Variants in PDE1C observed in about 807,000 individuals in gnomAD.
PDE1C encodes the protein phosphodiesterase 1C.
A neutral mutation model predicts 93.1 loss-of-function variants in PDE1C; 62 were observed. The ratio of observed to expected loss-of-function variants is 0.67; its 90% CI spans 0.54 to 0.82. The LOEUF (loss-of-function observed/expected upper bound fraction) is 0.82, where lower values mean the gene tolerates loss of function less well. Ranked by LOEUF, PDE1C falls within the 40% of genes least tolerant of loss-of-function variation. PDE1C has a pLI of 0.00. For synonymous variants in PDE1C, 325 were observed against 310.1 expected, an observed-to-expected ratio of 1.05 and a Z score of -0.50; for missense variants, 742 against 884.6, an observed-to-expected ratio of 0.84 and a Z score of 2.04.
In PDE1C at chr7:32,205,395, C is replaced by G. The variant is rs552405406; in HGVS notation, c.136+4094G>C. Among the ~76,000 whole-genome samples the G allele has an allele frequency of 2.0e-5, 3 of 152,318 alleles. No homozygotes were observed. The East Asian group carries it at 5.8e-4, about 29-fold the overall frequency. On this transcript the variant is annotated intron_variant, in intron 2 of 18. Coordinates refer to the PDE1C transcript ENST00000396193. Reference sequence around the variant, plus strand: ...GGACTTGGAGAACCTTTCTATCTAGCTAAAGGATTGTAAATGCACCAATCA... The same window carrying G: ...GGACTTGGAGAACCTTTCTATCTAGGTAAAGGATTGTAAATGCACCAATCA...
chr7:31,643,851 A>T, the PDE1C span: 2 of 1,613,934 alleles, frequency 1.2e-6, no homozygotes, highest in Non-Finnish European at 1.7e-6. Flanking sequence ...CTGAACCCTC[A>T]GTCTGTAGGC....
chr7:31,813,418 AG>A (rs1371817600), intron 15 of PDE1C, among the ~76,000 whole-genome samples: 1 of 152,144 alleles, frequency 6.6e-6, no homozygotes, highest in South Asian at 2.1e-4. Context: ...AATTCATTTC[AG>A]AGCAAAATGT....
intron 3 of PDE1C, among the ~76,000 whole-genome samples, chr7:32,102,445 A>G (rs1450822665): frequency 2.6e-5 from 4 of 152,134 alleles, no homozygotes; most frequent in Non-Finnish European, 5.9e-5. Flanking sequence ...CCTCCCTGAA[A>G]CTCAGCTTCC....
chr7:31,639,315 A>C, the PDE1C span, among the ~76,000 whole-genome samples: 1 of 152,122 alleles, frequency 6.6e-6, no homozygotes, highest in Non-Finnish European at 1.5e-5. Flanking sequence ...CATTTGGGAT[A>C]GCTTCTTATG....
Position 31,864,979 on chromosome 7 carries a change from T to C in PDE1C, c.713A>G (p.Gln238Arg), listed in dbSNP as rs1224860227. The C allele has an allele frequency of 6.2e-7, 1 of 1,614,094 alleles. No individual in the cohort carries two copies. The highest frequency in any genetic ancestry group is 1.1e-5 in the South Asian group (1 of 91,084). Residue 238 changes from glutamine to arginine, a missense_variant, in exon 7 of 18, where the codon CAG becomes CGG. Around this residue, in one of 4 missense-constraint regions of PDE1C, gnomAD observed 205 missense variants for 295.3 expected, o/e 0.69. Transcript: ENST00000396191. ...HNLMHAADVT[Q>R]TVHYLLYKTG... ...CTTATAGAGGAGGTAATGCACTGTCTGTGTAACATCGGCAGCGTGCATTAA... is the reference window on the plus strand; with the variant it reads ...CTTATAGAGGAGGTAATGCACTGTCCGTGTAACATCGGCAGCGTGCATTAA...
intron 2 of PDE1C, among the ~76,000 whole-genome samples, chr7:32,048,124 T>A (rs77129589): frequency 0.012 from 1,899 of 152,276 alleles, 51 homozygotes; most frequent in African/African-American, 0.043. Flanking sequence ...AAATGAGGAA[T>A]CCACCTACTC....
At chr7:31,864,893 C>T (rs1175921218) in intron 7 of PDE1C, 49 bp downstream of exon 7, 1 of 1,584,436 alleles carries the variant, frequency 6.3e-7, no homozygotes, top group Non-Finnish European at 8.6e-7. Context: ...CCATTAAAAA[C>T]TCATCCTTAC....
At chr7:31,835,535 T>C (rs1477006012) in intron 11 of PDE1C, among the ~76,000 whole-genome samples, 1 of 151,684 alleles carries the variant, frequency 6.6e-6, no homozygotes, top group Admixed American at 6.6e-5. Flanking sequence ...GGTGTGTGTG[T>C]GTGTGTGTGT....
At chr7:32,375,410 A>T (rs1051020476) in intron 1 of PDE1C, among the ~76,000 whole-genome samples, 1 of 152,208 alleles carries the variant, frequency 6.6e-6, no homozygotes, top group Non-Finnish European at 1.5e-5. Context: ...GGCATGATAT[A>T]GGACAGTGGT....
At chr7:32,422,577 G>C (rs1198969684) in intron 1 of PDE1C, among the ~76,000 whole-genome samples, 1 of 151,146 alleles carries the variant, frequency 6.6e-6, no homozygotes, top group Non-Finnish European at 1.5e-5. Flanking sequence ...TTATAAGTAA[G>C]ATCATGTATA....
chr7:32,333,953 C>A (rs1426745835), intron 1 of PDE1C, among the ~76,000 whole-genome samples: 14 of 152,134 alleles, frequency 9.2e-5, no homozygotes, highest in Admixed American at 6.5e-4. Flanking sequence ...ATATCCCAGA[C>A]CCTGTCATTT....
At chr7:31,723,321 C>T in the PDE1C span, among the ~76,000 whole-genome samples, 25 of 152,130 alleles carry the variant, frequency 1.6e-4, no homozygotes, top group Admixed American at 5.2e-4. Context: ...TATATGAGCT[C>T]GTATTCCCTG....
intron 1 of PDE1C, among the ~76,000 whole-genome samples, chr7:32,234,708 C>T (rs1342767171): frequency 1.3e-5 from 2 of 151,944 alleles, no homozygotes; most frequent in Non-Finnish European, 2.9e-5. Flanking sequence ...GAAGTTAACA[C>T]CAATTCTACA....
chr7:31,625,156 C>T, the PDE1C span, among the ~76,000 whole-genome samples: 2 of 152,242 alleles, frequency 1.3e-5, no homozygotes, highest in East Asian at 1.9e-4. Flanking sequence ...GAAATAGGAA[C>T]ACTTTTACAT....
At chr7:31,805,549 A>G (rs1786716072) in intron 16 of PDE1C, among the ~76,000 whole-genome samples, 1 of 151,594 alleles carries the variant, frequency 6.6e-6, no homozygotes, top group African/African-American at 2.4e-5. Flanking sequence ...CAACTCAGAG[A>G]GTCACTGAGA....
intron 1 of PDE1C, among the ~76,000 whole-genome samples, chr7:32,344,723 ACAG>A (rs1235941684): frequency 6.6e-6 from 1 of 151,852 alleles, no homozygotes; most frequent in Non-Finnish European, 1.5e-5. Flanking sequence ...CTTCTAATAT[ACAG>A]CATAATTTTC....
intron 1 of PDE1C, among the ~76,000 whole-genome samples, chr7:32,256,491 TG>T (rs1809803295): frequency 6.6e-6 from 1 of 152,172 alleles, no homozygotes; most frequent in Non-Finnish European, 1.5e-5. Flanking sequence ...AAGGGCCTAA[TG>T]GCAGCCAGCT....
intron 2 of PDE1C, among the ~76,000 whole-genome samples, chr7:32,007,466 G>A (rs1029069400): frequency 1.3e-5 from 2 of 152,300 alleles, no homozygotes; most frequent in Non-Finnish European, 2.9e-5. Context: ...AGGAGGCCAC[G>A]AGAAGGAATC....
chr7:32,234,158 T>A (rs1807908451), intron 1 of PDE1C, among the ~76,000 whole-genome samples: 1 of 151,922 alleles, frequency 6.6e-6, no homozygotes, highest in Admixed American at 6.6e-5. Context: ...AGCAGTGCTT[T>A]AAAAAAATTA....
Sources: gnomAD v4.1 joint callset for allele counts (sites outside exome capture counted in the v4.1 genomes callset) on GRCh38, gnomAD v4.1.1 for gene constraint, gnomAD v4.1.1 regional missense constraint, MANE v1.5 for transcripts, NCBI Gene and HGNC (gene_info 2026-07-23, HGNC 2026-07-21) for gene names.